Variants in CKMT2 observed in about 807,000 individuals in gnomAD.
CKMT2 encodes the protein creatine kinase, mitochondrial 2.
A neutral mutation model predicts 48.9 loss-of-function variants in CKMT2; 43 were observed. The ratio of observed to expected loss-of-function variants is 0.88; its 90% confidence interval spans 0.69 to 1.13. CKMT2 has a LOEUF of 1.13. Ranked by LOEUF, CKMT2 falls within the 50% of genes most tolerant of loss-of-function variation. The probability of loss-of-function intolerance (pLI) is 0.00; values close to 1 mark genes in which losing one functional copy is unlikely to be tolerated. For missense variants in CKMT2, 472 were observed against 555.4 expected (o/e 0.85, Z 1.51); for synonymous variants, 206 against 213.0 (o/e 0.97, Z 0.29).
chr5:81,259,423 G>C, intron 8 of CKMT2, 169 bp downstream of exon 8: 2 of 533,384 alleles, frequency 3.7e-6, no homozygotes, highest in Admixed American at 3.8e-5. Context: ...GTATTAGTTA[G>C]AATAAAAGGT....
At position 81,251,303 on chromosome 5, in the gene CKMT2, A is replaced by T; in HGVS notation, c.152+19A>T. ...CTCCAAGGTAAGGGCTCCTGACTTT[A>T]AAATAACCTCAGGCCAGGCACGGTG... On this transcript the variant is annotated intron_variant, in intron 2 of 9. Transcript: ENST00000254035. The T allele has an allele frequency of 6.2e-7, 1 of 1,612,768 alleles. No individual in the cohort carries two copies. Among genetic ancestry groups the T allele is most frequent in the South Asian group, 1.1e-5 (1 of 91,018 alleles).
intron 1 of CKMT2, among the ~76,000 whole-genome samples, chr5:81,240,396 G>T (rs1168035706): frequency 2.0e-5 from 3 of 152,208 alleles, no homozygotes; most frequent in African/African-American, 4.8e-5. Flanking sequence ...GAGACAAAGG[G>T]TTAATGACAA....
intron 1 of CKMT2, among the ~76,000 whole-genome samples, chr5:81,246,164 CAT>C (rs1756603680): frequency 6.6e-6 from 1 of 151,518 alleles, no homozygotes; most frequent in Admixed American, 6.6e-5. Flanking sequence ...CCCTGTAACT[CAT>C]AAAATGAGCT....
chr5:81,256,996 A>T lies in CKMT2; in HGVS notation c.751A>T (p.Ile251Phe). ...MARDWPDARG[I>F]WHNYDKTFLI... ...CCGTGACTGGCCAGATGCCAGGGGA[A>T]TCTGGTATGGATGCAGCATTTTCAC... The change falls in exon 6 of 10, where the codon ATC becomes TTC. Residue 251 changes from isoleucine to phenylalanine, a missense_variant. Physicochemically the swap from Ile to Phe is conservative, Grantham distance 21. Transcript: ENST00000254035. 1.2e-6 allele frequency: 2 copies of T among 1,612,670 alleles called. No homozygotes were observed. Among genetic ancestry groups the T allele is most frequent in the East Asian group, 4.5e-5 (2 of 44,866 alleles).
intron 1 of CKMT2, among the ~76,000 whole-genome samples, chr5:81,235,442 G>T (rs1756216084): frequency 6.6e-6 from 1 of 152,192 alleles, no homozygotes; most frequent in African/African-American, 2.4e-5. Context: ...CTCTCTGGAT[G>T]GAAAGCTGAC....
In CKMT2 at chr5:81,247,533, T is replaced by G. The variant is rs78979607; in HGVS notation, c.-20-3580T>G. Reference sequence around the variant, plus strand: ...GTGTAAGACAAAGCAATGTTCTGACTGCGCAGCGTTTTAAAGACTAACTTT... The same window carrying G: ...GTGTAAGACAAAGCAATGTTCTGACGGCGCAGCGTTTTAAAGACTAACTTT... On this transcript the variant is annotated intron_variant, in intron 1 of 9. Coordinates refer to ENST00000254035, the MANE Select transcript of CKMT2 (RefSeq NM_001099735.2). Among the ~76,000 whole-genome samples, 699 of 152,336 alleles carry G rather than the reference T, an allele frequency of 4.6e-3. 6 individuals carry two copies. The highest frequency in any genetic ancestry group is 0.014 in the Middle Eastern group (4 of 294).
intron 9 of CKMT2, among the ~76,000 whole-genome samples, chr5:81,265,808 A>G (rs892546059): frequency 2.0e-5 from 3 of 152,214 alleles, no homozygotes; most frequent in Non-Finnish European, 4.4e-5. Flanking sequence ...GATCCAGGCC[A>G]AAGAATAACA....
At chr5:81,254,135 G>C (rs1369559141) in intron 3 of CKMT2, among the ~76,000 whole-genome samples, 1 of 152,204 alleles carries the variant, frequency 6.6e-6, no homozygotes, top group African/African-American at 2.4e-5. Context: ...CTCAGCAGGA[G>C]GTTAAGATGA....
intron 8 of CKMT2, 60 bp downstream of exon 8, chr5:81,259,314 G>T (rs1410245548): frequency 6.7e-7 from 1 of 1,486,214 alleles, no homozygotes; most frequent in African/African-American, 1.4e-5. Context: ...CGACTGCTTT[G>T]TGGAGGAAGA....
rs1757310205 is a variant in CKMT2 at position 81,263,835 on chromosome 5, A to G, written c.1140+219A>G. On this transcript the variant is annotated intron_variant, in intron 9 of 9. Transcript: ENST00000254035. ...GTGAGCTGAGAATTTATAGGCAAGT[A>G]TAGGAATTCACAGTGGGACTGTTGT... 2.6e-5 allele frequency among the ~76,000 whole-genome samples: 4 copies of G among 152,244 alleles called. No individual in the cohort carries two copies. The South Asian group carries it at 8.3e-4, about 31-fold the overall frequency.
rs150704781 is a variant in CKMT2, at chr5:81,249,677, T to A, written c.-20-1436T>A. On this transcript the variant is annotated intron_variant, in intron 1 of 9. Coordinates refer to ENST00000254035, the MANE Select transcript of CKMT2 (RefSeq NM_001099735.2). ...CATTTCAGGCTCTCTCCTTATGCTGTCATTTCCTTTCTTTCTGAAGCATAT... is the reference window on the plus strand; with the variant it reads ...CATTTCAGGCTCTCTCCTTATGCTGACATTTCCTTTCTTTCTGAAGCATAT... Among the ~76,000 whole-genome samples, 66 of 152,090 alleles carry A rather than the reference T, an allele frequency of 4.3e-4. 1 individual carries two copies. Among genetic ancestry groups the A allele is most frequent in the Admixed American group, 3.3e-4 (5 of 15,288 alleles).
At chr5:81,233,649 A>G (rs1267859301) in intron 1 of CKMT2, among the ~76,000 whole-genome samples, 5 of 152,120 alleles carry the variant, frequency 3.3e-5, no homozygotes, top group African/African-American at 1.2e-4. Flanking sequence ...TTTGGTAGTG[A>G]ATCAGGAATT....
chr5:81,241,643 T>C (rs1033466706), intron 1 of CKMT2, among the ~76,000 whole-genome samples: 3 of 152,194 alleles, frequency 2.0e-5, no homozygotes, highest in African/African-American at 7.2e-5. Flanking sequence ...CAGGTGAATT[T>C]AGGATGAATT....
At chr5:81,259,052 T>C in intron 7 of CKMT2, 68 bp from the exon 8 acceptor site, 1 of 1,476,754 alleles carries the variant, frequency 6.8e-7, no homozygotes, top group Non-Finnish European at 9.3e-7. Flanking sequence ...CTCTCTGGTG[T>C]TAGGGATGTG....
chr5:81,242,576 C>A, intron 1 of CKMT2: 1 of 382,468 alleles, frequency 2.6e-6, no homozygotes, highest in Non-Finnish European at 5.1e-6. Context: ...TGGATGCAGG[C>A]ACACAAAGAT....
rs1366890667 is a variant in CKMT2, at chr5:81,233,345, G to T, written c.-53G>T. 6 of 985,580 alleles carry T rather than the reference G, an allele frequency of 6.1e-6. No individual in the cohort carries two copies. The Admixed American group carries it at 2.5e-4, about 40-fold the overall frequency. 61.1% of individuals were successfully genotyped at this position (985,580 alleles called of 1,614,324 possible). A position where few individuals can be genotyped will look rare whatever the true frequency, so the allele number is the denominator to read the frequency against. On this transcript the variant is annotated 5_prime_UTR_variant, in exon 1 of 10. Transcript: ENST00000254035. Reference sequence around the variant, plus strand: ...CTGCATACACTTCTTGGCTGTGTGCGCTCAGCAGGACGTGGGAGGCTCCGG... The same window carrying T: ...CTGCATACACTTCTTGGCTGTGTGCTCTCAGCAGGACGTGGGAGGCTCCGG...
At position 81,266,152 on chromosome 5, in the gene CKMT2, A is replaced by C; in HGVS notation, c.1154A>C (p.Gln385Pro). Reference protein sequence around the residue: ...RIGRSEVELVQIVIDGVNYLV... With the variant: ...RIGRSEVELVPIVIDGVNYLV... ...TCACTGTCAAAGGTTGAGCTTGTTC[A>C]GATAGTCATCGATGGAGTCAATTAC... The change falls in exon 10 of 10, where the codon CAG becomes CCG. Residue 385 changes from glutamine to proline, a missense_variant. Transcript: ENST00000254035. 6.2e-7 allele frequency: 1 copy of C among 1,612,714 alleles called. No individual in the cohort carries two copies. The highest frequency in any genetic ancestry group is 8.5e-7 in the Non-Finnish European group (1 of 1,178,808).
chr5:81,249,938 T>C (rs1756747445), intron 1 of CKMT2, among the ~76,000 whole-genome samples: 1 of 152,254 alleles, frequency 6.6e-6, no homozygotes, highest in Non-Finnish European at 1.5e-5. Flanking sequence ...TGCAGTTTTA[T>C]TATTTGTCTA....
At chr5:81,239,845 TCA>T (rs995134886) in intron 1 of CKMT2, among the ~76,000 whole-genome samples, 10 of 152,144 alleles carry the variant, frequency 6.6e-5, no homozygotes, top group Non-Finnish European at 1.3e-4. Context: ...GCGCTGCCAC[TCA>T]CAAACCATGT....
Sources: allele counts gnomAD v4.1 joint callset (sites outside exome capture counted in the v4.1 genomes callset), GRCh38; gene constraint gnomAD v4.1.1; transcripts MANE v1.5; gene names NCBI Gene and HGNC (gene_info 2026-07-23, HGNC 2026-07-21).